ZFHX4: variants seen among roughly 807,000 people sequenced by gnomAD.
ZFHX4 encodes the protein zinc finger homeobox protein 4.
A neutral mutation model predicts 267.6 loss-of-function variants in ZFHX4; 56 were observed. The observed-to-expected ratio is 0.21, with a 90% confidence interval of 0.17 to 0.26. ZFHX4 has a LOEUF of 0.26. Ranked by LOEUF, ZFHX4 falls within the 10% of genes least tolerant of loss-of-function variation. The pLI, the probability that ZFHX4 is intolerant of heterozygous loss-of-function variation, is 1.00. For missense variants in ZFHX4, 4,332 were observed against 4,420.0 expected (o/e 0.98, Z 0.56); for synonymous variants, 1,778 against 1,665.6 (o/e 1.07, Z -1.64).
At chr8:76,792,864 T>C (rs1218087473) in intron 4 of ZFHX4, among the ~76,000 whole-genome samples, 1 of 152,162 alleles carries the variant, frequency 6.6e-6, no homozygotes, top group Non-Finnish European at 1.5e-5. Flanking sequence ...ATACGATGAA[T>C]CTGAAAGGCC....
intron 10 of ZFHX4, among the ~76,000 whole-genome samples, chr8:76,856,959 A>G (rs1413860549): frequency 6.6e-6 from 1 of 152,154 alleles, no homozygotes; most frequent in Admixed American, 6.5e-5. Flanking sequence ...AAATTCAGCA[A>G]CCTTAGAAAT....
chr8:76,778,662 C>A (rs992267402), intron 4 of ZFHX4, among the ~76,000 whole-genome samples: 3 of 152,176 alleles, frequency 2.0e-5, no homozygotes, highest in African/African-American at 7.2e-5. Flanking sequence ...GCGGTGACAT[C>A]TTTAGCAGGC....
chr8:76,830,051 G>A (rs1811894249), intron 4 of ZFHX4, among the ~76,000 whole-genome samples: 1 of 152,130 alleles, frequency 6.6e-6, no homozygotes, highest in African/African-American at 2.4e-5. Context: ...AACTATCCCT[G>A]AAATAAAACT....
intron 3 of ZFHX4, among the ~76,000 whole-genome samples, chr8:76,758,282 T>C (rs1486902418): frequency 6.6e-6 from 1 of 152,078 alleles, no homozygotes; most frequent in African/African-American, 2.4e-5. Flanking sequence ...CAATTGTAGC[T>C]CTGAAAGGTA....
chr8:76,835,235 A>ATG (rs1563549068), intron 5 of ZFHX4, among the ~76,000 whole-genome samples: 2 of 118,056 alleles, frequency 1.7e-5, no homozygotes, highest in Admixed American at 8.5e-5. Context: ...ATATATATAT[A>ATG]TATATGTATA....
intron 6 of ZFHX4, among the ~76,000 whole-genome samples, chr8:76,847,221 C>A (rs1451292161): frequency 6.6e-6 from 1 of 152,020 alleles, no homozygotes; most frequent in East Asian, 1.9e-4. Context: ...AAAGTATATT[C>A]AGCTTTGAGA....
chr8:76,794,508 A>T (rs1810920937), intron 4 of ZFHX4, among the ~76,000 whole-genome samples: 1 of 152,124 alleles, frequency 6.6e-6, no homozygotes, highest in South Asian at 2.1e-4. Flanking sequence ...CCCTGTTGTT[A>T]AGTTACAAAT....
chr8:76,835,239 A>ATATGTATATATATG (rs1188201650), intron 5 of ZFHX4, among the ~76,000 whole-genome samples: 1 of 69,918 alleles, frequency 1.4e-5, no homozygotes. Context: ...ATATATATAT[A>ATATGTATATATATG]TGTATATATA....
intron 4 of ZFHX4, among the ~76,000 whole-genome samples, chr8:76,781,644 T>C (rs1175434350): frequency 6.6e-6 from 1 of 152,066 alleles, no homozygotes. Context: ...ATCTTAAACA[T>C]AAGCATTTCC....
At chr8:76,697,273 T>C (rs1807983961) in intron 1 of ZFHX4, among the ~76,000 whole-genome samples, 1 of 152,034 alleles carries the variant, frequency 6.6e-6, no homozygotes, top group Non-Finnish European at 1.5e-5. Flanking sequence ...TTACATTGTC[T>C]TTCATATGTC....
At chr8:76,774,687 GAATAT>G (rs1810358971) in intron 3 of ZFHX4, among the ~76,000 whole-genome samples, 1 of 151,788 alleles carries the variant, frequency 6.6e-6, no homozygotes, top group Non-Finnish European at 1.5e-5. Context: ...TTTTAAAAAA[GAATAT>G]AATTTTCCTG....
chr8:76,818,452 A>G (rs555487829), intron 4 of ZFHX4, among the ~76,000 whole-genome samples: 1 of 152,302 alleles, frequency 6.6e-6, no homozygotes, highest in East Asian at 1.9e-4. Context: ...TGGATTCGAT[A>G]AAGGAGAAAA....
Position 76,866,024 on chromosome 8 carries a change from C to G in ZFHX4, c.*1459C>G, listed in dbSNP as rs1813017415. ...TAAATTGCTATGCTTTGCTGTTTTT[C>G]TGTTGCTGTGGAACTTAAAGAATGT... On this transcript the variant is annotated 3_prime_UTR_variant, in exon 11 of 11. Coordinates refer to ENST00000651372, the MANE Select transcript of ZFHX4 (RefSeq NM_024721.5). 1 of 152,570 alleles carries G rather than the reference C, an allele frequency of 6.6e-6. No individual in the cohort carries two copies. The highest frequency in any genetic ancestry group is 1.5e-5 in the Non-Finnish European group (1 of 68,008). The allele number at this position is 152,570 out of a possible 1,614,324, so 9.5% of individuals were successfully genotyped here.
chr8:76,718,683 T>C (rs1371194689), intron 3 of ZFHX4, among the ~76,000 whole-genome samples: 2 of 152,150 alleles, frequency 1.3e-5, no homozygotes, highest in Non-Finnish European at 2.9e-5. Flanking sequence ...TTTTAGAGCA[T>C]CAATTCTTAA....
At chr8:76,781,952 A>G (rs1165745429) in intron 4 of ZFHX4, among the ~76,000 whole-genome samples, 2 of 152,048 alleles carry the variant, frequency 1.3e-5, no homozygotes, top group Non-Finnish European at 2.9e-5. Context: ...GTGTAGCTTA[A>G]CATGTTTAAT....
At chr8:76,730,375 A>T (rs1465392780) in intron 3 of ZFHX4, among the ~76,000 whole-genome samples, 1 of 152,154 alleles carries the variant, frequency 6.6e-6, no homozygotes, top group African/African-American at 2.4e-5. Context: ...TCATGTCTTT[A>T]TTAAGAGTTT....
chr8:76,691,129 T>C (rs1807814036), intron 1 of ZFHX4, among the ~76,000 whole-genome samples: 1 of 152,078 alleles, frequency 6.6e-6, no homozygotes, highest in Non-Finnish European at 1.5e-5. Flanking sequence ...TGAATGAATA[T>C]GAAGGTTGTG....
intron 5 of ZFHX4, among the ~76,000 whole-genome samples, chr8:76,835,223 A>ATG (rs1812043491): frequency 2.0e-5 from 2 of 99,072 alleles, no homozygotes; most frequent in Non-Finnish European, 3.8e-5. Context: ...ATATATGTAT[A>ATG]TATATATATA....
At chr8:76,837,356 T>C (rs1812118836) in intron 5 of ZFHX4, among the ~76,000 whole-genome samples, 1 of 151,914 alleles carries the variant, frequency 6.6e-6, no homozygotes, top group Admixed American at 6.6e-5. Flanking sequence ...GGAAGTGAAG[T>C]AAGATGCAGA....
Sources: allele counts gnomAD v4.1 joint callset (sites outside exome capture counted in the v4.1 genomes callset), GRCh38; gene constraint gnomAD v4.1.1; transcripts MANE v1.5; gene names NCBI Gene and HGNC (gene_info 2026-07-23, HGNC 2026-07-21).